ADGRE1: variants seen among roughly 807,000 people sequenced by gnomAD.
ADGRE1 encodes the protein EGF-like module receptor 1.
ADGRE1 carries 82 observed loss-of-function variants against 102.7 expected under a neutral mutation model. The ratio of observed to expected loss-of-function variants is 0.80; its 90% CI spans 0.67 to 0.96. ADGRE1 has a LOEUF of 0.96. Among genes scored for constraint, ADGRE1 ranks in the 40% least tolerant of loss-of-function variants. The probability of loss-of-function intolerance (pLI) is 0.00; values close to 1 mark genes in which losing one functional copy is unlikely to be tolerated. For missense variants in ADGRE1, 1,032 were observed against 1,085.3 expected (o/e 0.95, Z 0.69); for synonymous variants, 398 against 399.6 (o/e 1.00, Z 0.05).
In ADGRE1 at chr19:6,927,730, C is replaced by T. The variant is rs146731320; in HGVS notation, c.2223-415C>T. Among the ~76,000 whole-genome samples, 53 of 152,136 alleles carry T rather than the reference C, an allele frequency of 3.5e-4. No homozygotes were observed. In the East Asian group the frequency reaches 9.5e-3, roughly 27 times the overall value. ...AGGCTGGAGTGCGGTGGCGTGATCT[C>T]AGCTCACTGCAACCTCCACCTCCTG... is the stretch of plus-strand genomic sequence containing the variant. On this transcript the variant is annotated intron_variant, in intron 16 of 20. Coordinates refer to ENST00000312053, the MANE Select transcript of ADGRE1 (RefSeq NM_001974.5).
intron 10 of ADGRE1, among the ~76,000 whole-genome samples, chr19:6,913,141 C>G (rs1974259299): frequency 6.6e-6 from 1 of 151,992 alleles, no homozygotes; most frequent in Non-Finnish European, 1.5e-5. Context: ...GTTATGTTGT[C>G]CAGGCTGGTC....
rs377355283 is a variant in ADGRE1, at chr19:6,887,623, C to A, written c.15C>A (p.Asn5Lys). 4 of 1,612,622 alleles carry A rather than the reference C, an allele frequency of 2.5e-6. No individual in the cohort carries two copies. The highest frequency in any genetic ancestry group is 1.3e-5 in the African/African-American group (1 of 74,902). The change falls in exon 1 of 21, where the codon AAC becomes AAA. Residue 5 changes from asparagine (N) to lysine (K), a missense_variant. By Grantham distance (94) the Asn-to-Lys change is moderately conservative (BLOSUM62 0). Coordinates refer to ENST00000312053, the MANE Select transcript of ADGRE1 (RefSeq NM_001974.5). ...ACTACAGCATAATGCGTGGCTTCAA[C>A]CTGCTCCTCTTCTGGGGTGAGTGTG... is the stretch of plus-strand genomic sequence containing the variant. The part of the protein sequence containing the change: MRGF[N>K]LLLFWGCCVM...
At chr19:6,931,356 A>G (rs764588926) in intron 17 of ADGRE1, among the ~76,000 whole-genome samples, 1 of 152,148 alleles carries the variant, frequency 6.6e-6, no homozygotes, top group Non-Finnish European at 1.5e-5. Flanking sequence ...AAGCTACTGC[A>G]TGCTGGGTGG....
At chr19:6,911,162 GA>G (rs1390511928) in intron 10 of ADGRE1, among the ~76,000 whole-genome samples, 2 of 152,058 alleles carry the variant, frequency 1.3e-5, no homozygotes, top group Admixed American at 1.3e-4. Flanking sequence ...GCCTTTTGGG[GA>G]TTACAGAGCT....
chr19:6,927,671 T>C (rs1240531406), intron 16 of ADGRE1, among the ~76,000 whole-genome samples: 1 of 152,044 alleles, frequency 6.6e-6, no homozygotes, highest in Non-Finnish European at 1.5e-5. Flanking sequence ...TTGTTATTTA[T>C]TTATCTTGAG....
At chr19:6,905,741 G>A (rs1973928478) in intron 8 of ADGRE1, among the ~76,000 whole-genome samples, 1 of 152,058 alleles carries the variant, frequency 6.6e-6, no homozygotes, top group Non-Finnish European at 1.5e-5. Context: ...GTTAAATTAT[G>A]TATTATTTAT....
intron 14 of ADGRE1, among the ~76,000 whole-genome samples, chr19:6,923,231 T>A (rs1027566298): frequency 2.5e-4 from 38 of 152,332 alleles, no homozygotes; most frequent in African/African-American, 7.9e-4. Context: ...AAGTCTTGTC[T>A]CTACCACTTT....
At chr19:6,906,342 CG>C (rs1973954822) in intron 8 of ADGRE1, 90 bp from the exon 9 acceptor site, 2 of 1,106,482 alleles carry the variant, frequency 1.8e-6, no homozygotes, top group Non-Finnish European at 2.7e-6. Flanking sequence ...GATTTTAAGT[CG>C]GGCACGGGAG....
At chr19:6,915,920 CAAAAA>C (rs67370670) in intron 11 of ADGRE1, among the ~76,000 whole-genome samples, 1 of 59,140 alleles carries the variant, frequency 1.7e-5, no homozygotes, top group Non-Finnish European at 2.9e-5. Context: ...GACTCCGTCT[CAAAAA>C]AAAAAAAAAA....
At chr19:6,904,817 T>C (rs1973899589) in intron 8 of ADGRE1, among the ~76,000 whole-genome samples, 1 of 152,118 alleles carries the variant, frequency 6.6e-6, no homozygotes, top group Admixed American at 6.6e-5. Context: ...AAACATAGTG[T>C]GCTTTGAAGT....
intron 17 of ADGRE1, among the ~76,000 whole-genome samples, chr19:6,928,815 T>C (rs1290119707): frequency 6.6e-6 from 1 of 151,714 alleles, no homozygotes; most frequent in African/African-American, 2.4e-5. Flanking sequence ...ATGCCTGTAA[T>C]CCCAGCTACT....
At chr19:6,911,400 T>C (rs1974174018) in intron 10 of ADGRE1, among the ~76,000 whole-genome samples, 1 of 146,680 alleles carries the variant, frequency 6.8e-6, no homozygotes, top group South Asian at 2.2e-4. Context: ...TTTTTTTTTT[T>C]TTTTTGCTTG....
chr19:6,915,499 C>T (rs763703967), intron 11 of ADGRE1, among the ~76,000 whole-genome samples: 14 of 152,108 alleles, frequency 9.2e-5, no homozygotes, highest in African/African-American at 1.7e-4. Context: ...TAAGTCAATG[C>T]GCAAATTTAG....
At position 6,919,682 on chromosome 19, in the gene ADGRE1, A is replaced by G. The variant is rs750852503; in HGVS notation, c.1555A>G (p.Ile519Val). The change falls in exon 13 of 21, where the codon ATA becomes GTA. Residue 519 changes from isoleucine to valine, a missense_variant. Ile to Val is a conservative substitution (Grantham distance 29, BLOSUM62 3). Transcript: ENST00000312053. ...LKMNSRVVGG[I>V]MTGEKKDGFS... is the part of the protein sequence containing the mutation. ...GATGAATTCTCGAGTCGTTGGGGGC[A>G]TAATGACTGGAGAGAAGAAAGACGG... 2 of 1,613,626 alleles carry G rather than the reference A, an allele frequency of 1.2e-6. No individual in the cohort carries two copies. The highest frequency in any genetic ancestry group is 1.1e-5 in the South Asian group (1 of 91,052).
Position 6,916,317 on chromosome 19 carries a change from G to A in ADGRE1, c.1369G>A (p.Gly457Arg), listed in dbSNP as rs866077361. 1.2e-6 allele frequency: 2 copies of A among 1,613,730 alleles called. No homozygotes were observed. Among genetic ancestry groups the A allele is most frequent in the Non-Finnish European group, 1.7e-6 (2 of 1,179,766 alleles). ...ENVTLDLVAKGDKMKIGCSTI... is the reference protein window; with the variant it reads ...ENVTLDLVAKRDKMKIGCSTI... ...TGTGACGTTGGACTTGGTAGCCAAG[G>A]GGGATAAGATGAAGATCGGGTGTTC... The change falls in exon 12 of 21, where the codon GGG (glycine) becomes AGG (arginine). Residue 457 changes from glycine (G) to arginine (R), a missense_variant. Physicochemically the swap from Gly to Arg is moderately radical, Grantham distance 125. Transcript: ENST00000312053.
chr19:6,891,347 C>T (rs1848571345), intron 2 of ADGRE1: 1 of 152,176 alleles, frequency 6.6e-6, no homozygotes, highest in Admixed American at 6.6e-5. Flanking sequence ...TCTTTATTAG[C>T]AGCATGAAAA....
chr19:6,887,666 A>G (rs1245241242), intron 1 of ADGRE1, 27 bp downstream of exon 1: 1 of 1,603,878 alleles, frequency 6.2e-7, no homozygotes, highest in Non-Finnish European at 8.5e-7. Flanking sequence ...ATGGGGGGCT[A>G]GGGGAGGCCT....
intron 2 of ADGRE1, among the ~76,000 whole-genome samples, chr19:6,894,523 T>C (rs1033361221): frequency 6.6e-6 from 1 of 152,166 alleles, no homozygotes; most frequent in Non-Finnish European, 1.5e-5. Context: ...GGGAACAGCA[T>C]GTGCAAAGGC....
chr19:6,906,613 T>A, intron 9 of ADGRE1, 92 bp downstream of exon 9: 2 of 1,125,216 alleles, frequency 1.8e-6, no homozygotes, highest in Non-Finnish European at 2.6e-6. Context: ...AAGGCAAAAG[T>A]AATAGTGGCC....
Sources: gnomAD v4.1 joint callset for allele counts (sites outside exome capture counted in the v4.1 genomes callset) on GRCh38, gnomAD v4.1.1 for gene constraint, MANE v1.5 for transcripts, NCBI Gene and HGNC (gene_info 2026-07-23, HGNC 2026-07-21) for gene names.